Variants in USH2A observed in about 807,000 individuals in gnomAD.
USH2A encodes Usher syndrome 2A (autosomal recessive, mild).
Under a neutral mutation model 538.9 loss-of-function variants are expected in USH2A, and 443 were observed. The ratio of observed to expected loss-of-function variants is 0.82; its 90% CI spans 0.76 to 0.89. USH2A has a LOEUF of 0.89. USH2A is among the 40% of genes least tolerant of loss of function. The pLI is 0.00. For missense variants in USH2A, 6,633 were observed against 6,324.8 expected (o/e 1.05, Z -1.65); for synonymous variants, 2,413 against 2,273.5 (o/e 1.06, Z -1.75).
In USH2A at chr1:216,128,654, G is replaced by T. The variant is rs78627123; in HGVS notation, c.4628-31441C>A. Among the ~76,000 whole-genome samples the T allele has an allele frequency of 4.3e-3, 657 of 151,952 alleles. 1 individual carries two copies. Among genetic ancestry groups the T allele is most frequent in the African/African-American group, 0.015 (631 of 41,456 alleles). On this transcript the variant is annotated intron_variant, in intron 21 of 71. Coordinates refer to ENST00000307340, the MANE Select transcript of USH2A (RefSeq NM_206933.4). ...AGTTGTAGATATTTATGGGCCACAC[G>T]TGAAATTTTGACAAATGCATACAAT...
rs1329606064 is a variant in USH2A at position 215,743,308 on chromosome 1, T to G, written c.11417A>C (p.Glu3806Ala). 3 of 1,603,942 alleles carry G rather than the reference T, an allele frequency of 1.9e-6. No individual in the cohort carries two copies. Among genetic ancestry groups the G allele is most frequent in the Non-Finnish European group, 2.6e-6 (3 of 1,176,100 alleles). The change falls in exon 59 of 72, where the codon GAG (glutamate) becomes GCG (alanine). Residue 3806 changes from glutamate (E) to alanine (A), a missense_variant. Glu to Ala is a moderately radical substitution (Grantham distance 107). Coordinates refer to ENST00000307340, the MANE Select transcript of USH2A (RefSeq NM_206933.4). ...TCCATCATTGAGTAAGACATTGTAC[T>G]CCACAGGAATTTCGGGGATGAGGAT... is the stretch of plus-strand genomic sequence containing the variant. ...PGILIPEIPV[E>A]YNVLLNDGSV...
intron 64 of USH2A, among the ~76,000 whole-genome samples, chr1:215,658,120 A>G (rs1218377050): frequency 2.0e-5 from 3 of 151,938 alleles, no homozygotes; most frequent in African/African-American, 7.3e-5. Flanking sequence ...TATTTTTAGT[A>G]GAGACGGTGT....
chr1:215,652,625 C>T (rs890940211), intron 64 of USH2A, among the ~76,000 whole-genome samples: 3 of 152,076 alleles, frequency 2.0e-5, no homozygotes, highest in Non-Finnish European at 2.9e-5. Flanking sequence ...GGAGGTTATT[C>T]ATGAAGAAGT....
At chr1:216,299,002 G>A (rs147053446) in intron 9 of USH2A, among the ~76,000 whole-genome samples, 4 of 151,928 alleles carry the variant, frequency 2.6e-5, no homozygotes, top group Non-Finnish European at 4.4e-5. Context: ...CACCACGCCC[G>A]GCTAATTTGT....
chr1:216,388,523 A>C (rs2039046456), intron 3 of USH2A, among the ~76,000 whole-genome samples: 1 of 152,200 alleles, frequency 6.6e-6, no homozygotes, highest in Non-Finnish European at 1.5e-5. Flanking sequence ...AATTACAAAT[A>C]CATAAGGGAA....
intron 30 of USH2A, among the ~76,000 whole-genome samples, chr1:216,054,640 C>A (rs2030911624): frequency 6.6e-6 from 1 of 152,166 alleles, no homozygotes; most frequent in African/African-American, 2.4e-5. Context: ...TACTTACATA[C>A]TTCAGCAGAC....
chr1:215,999,227 T>A (rs887715900), intron 33 of USH2A, among the ~76,000 whole-genome samples, 169 bp from the exon 34 acceptor site: 1 of 152,168 alleles, frequency 6.6e-6, no homozygotes, highest in African/African-American at 2.4e-5. Flanking sequence ...CAATGCCTAT[T>A]CTGAGGGGCA....
chr1:216,168,095 A>T (rs1159637260), intron 21 of USH2A, among the ~76,000 whole-genome samples: 4 of 152,142 alleles, frequency 2.6e-5, no homozygotes, highest in Admixed American at 6.6e-5. Context: ...AACATACACA[A>T]AATAATTCAT....
chr1:216,294,444 T>C (rs1257697886), intron 9 of USH2A, among the ~76,000 whole-genome samples: 1 of 151,992 alleles, frequency 6.6e-6, no homozygotes, highest in Non-Finnish European at 1.5e-5. Context: ...TTTTGTATAA[T>C]TAAACATCAT....
intron 21 of USH2A, among the ~76,000 whole-genome samples, chr1:216,114,559 C>T (rs986518615): frequency 6.6e-6 from 1 of 152,144 alleles, no homozygotes; most frequent in South Asian, 2.1e-4. Context: ...TTAGCATACA[C>T]TTCTTGAGTT....
intron 22 of USH2A, among the ~76,000 whole-genome samples, chr1:216,096,416 A>T (rs2102572078): frequency 6.6e-6 from 1 of 152,308 alleles, no homozygotes; most frequent in East Asian, 1.9e-4. Flanking sequence ...ATACACCCTC[A>T]AATACAGACA....
chr1:215,831,954 GA>G (rs1663330544), intron 47 of USH2A, among the ~76,000 whole-genome samples: 1 of 151,922 alleles, frequency 6.6e-6, no homozygotes, highest in African/African-American at 2.4e-5. Flanking sequence ...ACCAATATCA[GA>G]AATGAAAGAA....
At chr1:215,719,311 T>C (rs919710878) in intron 61 of USH2A, among the ~76,000 whole-genome samples, 7 of 141,570 alleles carry the variant, frequency 4.9e-5, no homozygotes, top group African/African-American at 1.6e-4. Context: ...AGGTATGTGA[T>C]GTTGTTGGGG....
intron 21 of USH2A, among the ~76,000 whole-genome samples, chr1:216,144,132 A>G (rs981727519): frequency 1.3e-5 from 2 of 152,202 alleles, no homozygotes; most frequent in Non-Finnish European, 2.9e-5. Flanking sequence ...GACTGGCTAG[A>G]ATCTGTGGCC....
intron 9 of USH2A, among the ~76,000 whole-genome samples, chr1:216,304,543 T>C (rs1271842046): frequency 6.6e-6 from 1 of 152,044 alleles, no homozygotes; most frequent in Non-Finnish European, 1.5e-5. Context: ...TTAATTTCCT[T>C]ATTAAGTCAA....
chr1:216,143,472 T>C (rs2033639390), intron 21 of USH2A, among the ~76,000 whole-genome samples: 1 of 152,166 alleles, frequency 6.6e-6, no homozygotes, highest in Non-Finnish European at 1.5e-5. Flanking sequence ...CTACAAATAG[T>C]AGTGGTCTAA....
In USH2A at chr1:216,048,528, C is replaced by T; in HGVS notation, c.6163+6G>A. 2 of 1,612,764 alleles carry T rather than the reference C, an allele frequency of 1.2e-6. No individual in the cohort carries two copies. The highest frequency in any genetic ancestry group is 1.7e-6 in the Non-Finnish European group (2 of 1,178,804). On this transcript the variant is annotated splice_donor_region_variant and intron_variant, in intron 31 of 71. Coordinates refer to ENST00000307340, the MANE Select transcript of USH2A (RefSeq NM_206933.4). Reference sequence around the variant, plus strand: ...GTGGAAGTCAAGACCTTTGAAATTACTTTACCTTCTTGTGGAGTAGAGATG... The same window carrying T: ...GTGGAAGTCAAGACCTTTGAAATTATTTTACCTTCTTGTGGAGTAGAGATG...
Position 216,202,081 on chromosome 1 carries a change from G to GA in USH2A, c.3317-1961dup, listed in dbSNP as rs202155409. ...GTTGTTGAAAACATTAACAAAATTT[G>GA]AAAAATCACTGAAGGCTAGAACAAC... On this transcript the variant is annotated intron_variant, in intron 16 of 71. Coordinates refer to ENST00000307340, the MANE Select transcript of USH2A (RefSeq NM_206933.4). 6.6e-3 allele frequency among the ~76,000 whole-genome samples: 1,001 copies of GA among 152,188 alleles called. 13 individuals are homozygous for GA. Among genetic ancestry groups the GA allele is most frequent in the African/African-American group, 0.023 (953 of 41,512 alleles).
intron 30 of USH2A, among the ~76,000 whole-genome samples, chr1:216,060,317 G>C (rs983811739): frequency 3.3e-5 from 5 of 152,120 alleles, no homozygotes; most frequent in Non-Finnish European, 5.9e-5. Flanking sequence ...CAGTAGAATT[G>C]AGAGTCACTA....
Sources: gnomAD v4.1 joint callset for allele counts (sites outside exome capture counted in the v4.1 genomes callset) on GRCh38, gnomAD v4.1.1 for gene constraint, MANE v1.5 for transcripts, NCBI Gene and HGNC (gene_info 2026-07-23, HGNC 2026-07-21) for gene names.